Variants in LPXN observed in about 807,000 individuals in gnomAD.
LPXN encodes leupaxin.
A neutral mutation model predicts 45.6 loss-of-function variants in LPXN; 28 were observed. That is an observed-to-expected ratio of 0.61 (90% CI 0.45 to 0.84). The LOEUF is 0.84. Among genes scored for constraint, LPXN ranks in the 40% least tolerant of loss-of-function variants. LPXN has a pLI of 0.00. For synonymous variants in LPXN, 166 were observed against 169.9 expected, an observed-to-expected ratio of 0.98 and a Z score of 0.18; for missense variants, 459 against 475.0, an observed-to-expected ratio of 0.97 and a Z score of 0.31.
At chr11:58,556,443 T>A (rs1854206644) in intron 3 of LPXN, among the ~76,000 whole-genome samples, 1 of 152,062 alleles carries the variant, frequency 6.6e-6, no homozygotes, top group African/African-American at 2.4e-5. Flanking sequence ...GATATCTAAT[T>A]AAGAGATAAG....
chr11:58,567,348 ATTGT>A (rs1453814902), intron 2 of LPXN, among the ~76,000 whole-genome samples: 1 of 152,214 alleles, frequency 6.6e-6, no homozygotes, highest in Non-Finnish European at 1.5e-5. Flanking sequence ...TTTTATTTTG[ATTGT>A]TTGAATTAGA....
At chr11:58,556,899 G>A (rs543476241) in intron 3 of LPXN, among the ~76,000 whole-genome samples, 2 of 152,252 alleles carry the variant, frequency 1.3e-5, no homozygotes, top group East Asian at 3.9e-4. Context: ...GACCTGAATA[G>A]ATATTTTTCC....
chr11:58,527,482 G>A lies in LPXN; in HGVS notation c.1133C>T (p.Pro378Leu). The A allele has an allele frequency of 1.2e-6, 2 of 1,614,192 alleles. No individual in the cohort carries two copies. The highest frequency in any genetic ancestry group is 8.5e-7 in the Non-Finnish European group (1 of 1,180,046). ...CAGTGGGAAGAGCTTATTGAAGCAAGGTTGACAATAGGTCTTGTCATTCTG... is the reference window on the plus strand; with the variant it reads ...CAGTGGGAAGAGCTTATTGAAGCAAAGTTGACAATAGGTCTTGTCATTCTG... ...REQNDKTYCQ[P>L]CFNKLFPL Residue 378 changes from proline to leucine, a missense_variant, in exon 9 of 9, where the codon CCT becomes CTT. Pro to Leu is a moderately conservative substitution (Grantham distance 98). Coordinates refer to ENST00000395074, the MANE Select transcript of LPXN (RefSeq NM_004811.3).
chr11:58,561,319 G>C (rs1045237993), intron 3 of LPXN, among the ~76,000 whole-genome samples: 14 of 152,092 alleles, frequency 9.2e-5, no homozygotes, highest in Non-Finnish European at 2.1e-4. Flanking sequence ...ACTATCTTTT[G>C]GATACGACAT....
At chr11:58,576,443 A>G (rs1854894184), upstream of LPXN, among the ~76,000 whole-genome samples, 1 of 152,220 alleles carries the variant, frequency 6.6e-6, no homozygotes, top group Non-Finnish European at 1.5e-5. Flanking sequence ...GTTTGACACC[A>G]GATGTTAAAC....
chr11:58,534,587 G>A (rs990434312), intron 7 of LPXN, among the ~76,000 whole-genome samples: 4 of 152,060 alleles, frequency 2.6e-5, no homozygotes, highest in Admixed American at 6.6e-5. Context: ...ATCTAAAATC[G>A]ACACCCTAAA....
intron 1 of LPXN, 35 bp from the exon 2 acceptor site, chr11:58,570,748 A>C: frequency 5.9e-6 from 9 of 1,534,092 alleles, no homozygotes; most frequent in Non-Finnish European, 8.0e-6. Context: ...CATGACAGAG[A>C]ATATTTAAAT....
intron 1 of LPXN, among the ~76,000 whole-genome samples, chr11:58,575,325 A>G (rs866822703): frequency 7.4e-4 from 113 of 152,182 alleles, no homozygotes; most frequent in African/African-American, 2.2e-3. Context: ...TCATTCTTAT[A>G]CTTCTAGTCC....
chr11:58,577,333 G>A (rs187163654), upstream of LPXN, among the ~76,000 whole-genome samples: 1 of 152,282 alleles, frequency 6.6e-6, no homozygotes, highest in East Asian at 1.9e-4. Flanking sequence ...ACTCAGTAGA[G>A]AATATAAAAC....
chr11:58,527,875 G>A (rs1274544388), intron 8 of LPXN, 152 bp from the exon 9 acceptor site: 20 of 1,137,842 alleles, frequency 1.8e-5, no homozygotes, highest in East Asian at 2.5e-5. Context: ...TAGATTTCCC[G>A]CTTGCAAAAC....
At chr11:58,574,688 A>G (rs549589973) in intron 1 of LPXN, among the ~76,000 whole-genome samples, 5 of 152,160 alleles carry the variant, frequency 3.3e-5, no homozygotes, top group South Asian at 2.1e-4. Flanking sequence ...CCCAAGTCCA[A>G]AAAAGAGTCT....
At chr11:58,532,113 ACTGGGTCCC>A (rs1853407675) in intron 7 of LPXN, among the ~76,000 whole-genome samples, 1 of 152,238 alleles carries the variant, frequency 6.6e-6, no homozygotes, top group Admixed American at 6.5e-5. Flanking sequence ...CGGAGGGTGC[ACTGGGTCCC>A]CTAGCACTGC....
chr11:58,542,456 T>A (rs181777981), intron 7 of LPXN, among the ~76,000 whole-genome samples: 2,059 of 151,782 alleles, frequency 0.014, 24 homozygotes, highest in Non-Finnish European at 0.021. Context: ...AGGTTTTTTT[T>A]AAAAAAGATG....
At chr11:58,546,907 A>C (rs1287035278) in intron 7 of LPXN, among the ~76,000 whole-genome samples, 2 of 152,196 alleles carry the variant, frequency 1.3e-5, no homozygotes, top group Non-Finnish European at 2.9e-5. Flanking sequence ...CAGGTAAAGA[A>C]AAAGGAAAAC....
intron 2 of LPXN, among the ~76,000 whole-genome samples, chr11:58,566,561 A>G (rs890371046): frequency 1.3e-5 from 2 of 152,250 alleles, no homozygotes; most frequent in African/African-American, 4.8e-5. Context: ...TCCAAATAAA[A>G]TTAGAAGTCA....
chr11:58,562,108 T>C (rs1854395718), intron 3 of LPXN, among the ~76,000 whole-genome samples: 1 of 152,218 alleles, frequency 6.6e-6, no homozygotes, highest in Admixed American at 6.5e-5. Context: ...CCCCTACTTA[T>C]TTCTCTGTTA....
At chr11:58,533,568 T>A (rs1046026332) in intron 7 of LPXN, among the ~76,000 whole-genome samples, 1 of 152,166 alleles carries the variant, frequency 6.6e-6, no homozygotes, top group Non-Finnish European at 1.5e-5. Context: ...TGCAAAAACA[T>A]ACCAAATTGT....
intron 3 of LPXN, among the ~76,000 whole-genome samples, chr11:58,561,808 T>A (rs891181704): frequency 6.6e-6 from 1 of 152,254 alleles, no homozygotes; most frequent in Admixed American, 6.5e-5. Context: ...TAGATCATTG[T>A]TATAATACTC....
chr11:58,533,779 T>A (rs915672493), intron 7 of LPXN, among the ~76,000 whole-genome samples: 1 of 151,282 alleles, frequency 6.6e-6, no homozygotes, highest in Non-Finnish European at 1.5e-5. Context: ...AGGAGACCCA[T>A]CTCACATGCA....
Sources: gnomAD v4.1 joint callset for allele counts (sites outside exome capture counted in the v4.1 genomes callset) on GRCh38, gnomAD v4.1.1 for gene constraint, MANE v1.5 for transcripts, NCBI Gene and HGNC (gene_info 2026-07-23, HGNC 2026-07-21) for gene names.